Variants in SF3B2 observed in about 807,000 individuals in gnomAD.
The protein encoded by SF3B2 is SAP 145.
In SF3B2, 22 loss-of-function variants were observed where a neutral mutation model predicts 116.3. The ratio of observed to expected loss-of-function variants is 0.19; its 90% CI spans 0.14 to 0.27. SF3B2 has a LOEUF of 0.27. SF3B2 is among the 10% of genes least tolerant of loss of function. The pLI is 1.00. For missense variants in SF3B2, 767 were observed against 1,151.4 expected, an observed-to-expected ratio of 0.67 and a Z score of 4.83; for synonymous variants, 406 against 421.6, an observed-to-expected ratio of 0.96 and a Z score of 0.45.
intron 16 of SF3B2, 86 bp downstream of exon 16, chr11:66,062,084 C>A: frequency 1.1e-6 from 1 of 873,530 alleles, no homozygotes; most frequent in Non-Finnish European, 1.8e-6. Flanking sequence ...CTAACTCCAC[C>A]ATGTGTCTCT....
At position 66,063,557 on chromosome 11, in the gene SF3B2, G is replaced by T; in HGVS notation, c.2228+15G>T. On this transcript the variant is annotated intron_variant, in intron 18 of 21. Transcript: ENST00000322535. ...CCTGCAGACAGGTGGGGGAAGCAGA[G>T]AATGCCTCTTGGAAGTGGGCTATCT... 6.2e-7 allele frequency: 1 copy of T among 1,612,334 alleles called. No individual in the cohort carries two copies. Among genetic ancestry groups the T allele is most frequent in the East Asian group, 2.2e-5 (1 of 44,868 alleles).
At chr11:66,058,683 C>T in intron 9 of SF3B2, 147 bp from the exon 10 acceptor site, 1 of 701,654 alleles carries the variant, frequency 1.4e-6, no homozygotes, top group Non-Finnish European at 2.4e-6. Context: ...GACTCCAAGG[C>T]CCCTTCGCAG....
chr11:66,064,923 T>G (rs1857155566), intron 19 of SF3B2: 1 of 152,238 alleles, frequency 6.6e-6, no homozygotes, highest in South Asian at 2.1e-4. Flanking sequence ...TTTTGAAAGA[T>G]CTTTGCCAGG....
At chr11:66,052,763 A>T in intron 2 of SF3B2, 44 bp downstream of exon 2, 6 of 1,531,456 alleles carry the variant, frequency 3.9e-6, no homozygotes, top group Non-Finnish European at 5.3e-6. Context: ...GAGCTTCTCC[A>T]GGAGACCTTA....
In SF3B2 at chr11:66,058,002, AAAAG is replaced by A. The variant is rs1484248326; in HGVS notation, c.778-48_778-45del. On this transcript the variant is annotated intron_variant, in intron 7 of 21. Transcript: ENST00000322535. ...AAAAAAAAAAGAAAGAAAGAAAAAA[AAAAG>A]AAAAAGGGCACTGTGATTTGCCTTC... 5 of 1,356,914 alleles carry A rather than the reference AAAAG, an allele frequency of 3.7e-6. No individual in the cohort carries two copies. In the Admixed American group the frequency reaches 1.0e-4, roughly 28 times the overall value. 84.1% of individuals were successfully genotyped at this position (1,356,914 alleles called of 1,614,324 possible). A position where few individuals can be genotyped will look rare whatever the true frequency, so the allele number is the denominator to read the frequency against.
intron 19 of SF3B2, chr11:66,067,213 G>A (rs958553278): frequency 2.4e-5 from 7 of 290,244 alleles, no homozygotes; most frequent in South Asian, 2.1e-4. Context: ...AATAAAGAAG[G>A]GTACTGTGGA....
intron 13 of SF3B2, 64 bp from the exon 14 acceptor site, chr11:66,060,518 G>A (rs1857083945): frequency 1.9e-6 from 3 of 1,586,174 alleles, no homozygotes; most frequent in Admixed American, 3.4e-5. Context: ...GGAGTTGGGA[G>A]CTGGATTCTC....
intron 14 of SF3B2, among the ~76,000 whole-genome samples, chr11:66,060,992 C>T (rs1013347691): frequency 2.0e-5 from 3 of 152,096 alleles, no homozygotes; most frequent in Admixed American, 6.5e-5. Flanking sequence ...GACAGGGTTT[C>T]GCTATGTTGC....
chr11:66,068,030 T>G lies in SF3B2; in HGVS notation c.2415T>G (p.Ile805Met). 1 of 1,614,078 alleles carries G rather than the reference T, an allele frequency of 6.2e-7. No individual in the cohort carries two copies. Among genetic ancestry groups the G allele is most frequent in the South Asian group, 1.1e-5 (1 of 91,070 alleles). The change falls in exon 20 of 22, where the codon ATT becomes ATG. Residue 805 changes from isoleucine to methionine, a missense_variant. Physicochemically the swap from Ile to Met is conservative, Grantham distance 10 (BLOSUM62 1). Transcript: ENST00000322535. ...GGGCCATGATGGGATCAACCCACAT[T>G]TATGACATGTCCACGGTGAGTACTT... ...VGGAMMGSTH[I>M]YDMSTVMSRK...
At chr11:66,065,686 T>C (rs1857170522) in intron 19 of SF3B2, 1 of 152,186 alleles carries the variant, frequency 6.6e-6, no homozygotes, top group South Asian at 2.1e-4. Flanking sequence ...TATTTCACTT[T>C]AGAAAATTTC....
chr11:66,057,498 G>C (rs1269698668), intron 7 of SF3B2, 123 bp downstream of exon 7: 1 of 645,038 alleles, frequency 1.6e-6, no homozygotes, highest in Non-Finnish European at 2.8e-6. Context: ...GGGTAGTGGG[G>C]AGCCCTTCTT....
chr11:66,055,650 T>TA, intron 5 of SF3B2, 65 bp downstream of exon 5: 1 of 1,439,916 alleles, frequency 6.9e-7, no homozygotes, highest in Non-Finnish European at 9.8e-7. Flanking sequence ...TTATAGTGCT[T>TA]AGAGTGCACC....
intron 21 of SF3B2, 53 bp from the exon 22 acceptor site, chr11:66,068,621 G>A: frequency 6.6e-7 from 1 of 1,512,538 alleles, no homozygotes; most frequent in Non-Finnish European, 9.1e-7. Context: ...TTGTTTTGGG[G>A]GTCCGGGGGT....
rs144483999 is a variant in SF3B2, at chr11:66,062,465, C to T, written c.1977+467C>T. The stretch of plus-strand genomic sequence containing the variant: ...TAGCCTGGGCAACATAGTGAAACCG[C>T]ACCTCTACTTTAAAAAAAAAAAAAA... On this transcript the variant is annotated intron_variant, in intron 16 of 21. Coordinates refer to ENST00000322535, the MANE Select transcript of SF3B2 (RefSeq NM_006842.3). 3.4e-5 allele frequency among the ~76,000 whole-genome samples: 5 copies of T among 148,656 alleles called. No individual in the cohort carries two copies. In the East Asian group the frequency reaches 7.8e-4, roughly 23 times the overall value.
At chr11:66,063,937 G>A (rs1327288606) in intron 19 of SF3B2, among the ~76,000 whole-genome samples, 2 of 152,218 alleles carry the variant, frequency 1.3e-5, no homozygotes, top group East Asian at 3.8e-4. Context: ...TAAGGATGTT[G>A]AAGCAGAGGA....
chr11:66,057,239 A>G lies in SF3B2; in HGVS notation c.668-27A>G, dbSNP rs772490799. The G allele has an allele frequency of 5.1e-6, 7 of 1,383,518 alleles. No individual in the cohort carries two copies. In the African/African-American group the frequency reaches 5.7e-5, roughly 11 times the overall value. The allele number at this position is 1,383,518 out of a possible 1,614,324, so 85.7% of individuals were successfully genotyped here. A position where few individuals can be genotyped will look rare whatever the true frequency, so the allele number is the denominator to read the frequency against. On this transcript the variant is annotated intron_variant, in intron 6 of 21. Transcript: ENST00000322535. The stretch of plus-strand genomic sequence containing the variant: ...ACGTGAGTGTTTTGCCTCTTCTGAC[A>G]TTGGATTTCTTTTTCCCGTCTCTTA...
intron 16 of SF3B2, among the ~76,000 whole-genome samples, chr11:66,062,764 ACT>A (rs904842183): frequency 3.2e-4 from 48 of 152,222 alleles, no homozygotes; most frequent in African/African-American, 1.1e-3. Context: ...GACAGTAAAG[ACT>A]CTGCCATGAC....
Position 66,068,817 on chromosome 11 carries a change from C to A in SF3B2, c.*72C>A. The stretch of plus-strand genomic sequence containing the variant: ...GGCTTCACACAAGAACCACCTCTCC[C>A]GCAGTTCCCAAGGACTTGTCATTTC... On this transcript the variant is annotated 3_prime_UTR_variant, in exon 22 of 22. Coordinates refer to ENST00000322535, the MANE Select transcript of SF3B2 (RefSeq NM_006842.3). 8.5e-7 allele frequency: 1 copy of A among 1,177,360 alleles called. No individual in the cohort carries two copies. 72.9% of individuals were successfully genotyped at this position (1,177,360 alleles called of 1,614,324 possible).
At position 66,052,409 on chromosome 11, in the gene SF3B2, C is replaced by T. The variant is rs1410640001; in HGVS notation, c.25C>T (p.Pro9Ser). Reference protein sequence around the residue: MATEHPEPPKAELQLPPPP... With the variant: MATEHPEPSKAELQLPPPP... ...GATGGCGACGGAGCATCCCGAGCCT[C>T]CCAAAGCAGAATTGCAGCTGCCGCC... The change falls in exon 1 of 22, where the codon CCC (proline) becomes TCC (serine). Residue 9 changes from proline (P) to serine (S), a missense_variant. By Grantham distance (74) the Pro-to-Ser change is moderately conservative. Transcript: ENST00000322535. 6.2e-7 allele frequency: 1 copy of T among 1,612,848 alleles called. No homozygotes were observed. The highest frequency in any genetic ancestry group is 8.5e-7 in the Non-Finnish European group (1 of 1,179,844).
Sources: allele counts gnomAD v4.1 joint callset (sites outside exome capture counted in the v4.1 genomes callset), GRCh38; gene constraint gnomAD v4.1.1; transcripts MANE v1.5; gene names NCBI Gene and HGNC (gene_info 2026-07-23, HGNC 2026-07-21).